The following USP32 variants were observed in gnomAD, a reference collection of about 807,000 sequenced individuals.
USP32 encodes ubiquitin specific peptidase 32, also known as ubiquitin carboxyl-terminal hydrolase 32.
In USP32, 59 loss-of-function variants were observed where a neutral mutation model predicts 204.8. That is an observed-to-expected ratio of 0.29 (90% CI 0.23 to 0.36). The LOEUF is 0.36. Among genes scored for constraint, USP32 ranks in the 10% least tolerant of loss-of-function variants. The probability of loss-of-function intolerance (pLI) is 1.00; values close to 1 mark genes in which losing one functional copy is unlikely to be tolerated. For synonymous variants in USP32, 517 were observed against 678.4 expected (o/e 0.76, Z 3.70); for missense variants, 1,160 against 1,946.4 (o/e 0.60, Z 7.60).
At chr17:60,244,160 C>G (rs1016939659) in intron 11 of USP32, among the ~76,000 whole-genome samples, 3 of 151,094 alleles carry the variant, frequency 2.0e-5, no homozygotes, top group Non-Finnish European at 4.4e-5. Flanking sequence ...CTCAGCCTCC[C>G]GAGTAGCTGG....
chr17:60,413,861 CAAAAAAAAAAAAAAGAAAAA>C lies in USP32; in HGVS notation c.106+8365_106+8384del, dbSNP rs1367850044. On this transcript the variant is annotated intron_variant, in intron 1 of 3. Coordinates refer to the USP32 transcript ENST00000588898. ...GCCTGGCGACAGCTAGATTCTGTCT[CAAAAAAAAAAAAAAGAAAAA>C]AAAAAAAAAAAAAAGAATGTTACCT... is the stretch of plus-strand genomic sequence containing the variant. 8.6e-3 allele frequency among the ~76,000 whole-genome samples: 273 copies of C among 31,716 alleles called. 2 individuals are homozygous for C. The highest frequency in any genetic ancestry group is 0.025 in the African/African-American group (210 of 8,516). 20.8% of individuals were successfully genotyped at this position (31,716 alleles called of 152,430 possible).
intron 12 of USP32, among the ~76,000 whole-genome samples, chr17:60,227,936 A>T (rs1160066659): frequency 3.9e-5 from 6 of 152,160 alleles, no homozygotes; most frequent in African/African-American, 1.4e-4. Flanking sequence ...ACCATAGTTT[A>T]AAAAAATGAT....
At chr17:60,196,270 C>A (rs1432168958) in intron 27 of USP32, among the ~76,000 whole-genome samples, 26 of 129,214 alleles carry the variant, frequency 2.0e-4, no homozygotes, top group African/African-American at 7.3e-4. Context: ...ATCCCCACGC[C>A]AAAAAAAGAA....
intron 3 of USP32, among the ~76,000 whole-genome samples, chr17:60,298,098 A>G (rs1360738486): frequency 1.3e-5 from 2 of 148,618 alleles, no homozygotes; most frequent in African/African-American, 5.2e-5. Context: ...CTCCACCCCA[A>G]AGTAAACATC....
upstream of USP32, among the ~76,000 whole-genome samples, chr17:60,394,239 G>C (rs148210645): frequency 4.6e-5 from 7 of 152,306 alleles, no homozygotes; most frequent in African/African-American, 1.7e-4. Context: ...TGCGAGTTCC[G>C]AGTTAGATTA....
At position 60,198,343 on chromosome 17, in the gene USP32, G is replaced by T; in HGVS notation, c.3351C>A (p.Asp1117Glu). Residue 1117 changes from aspartate (D) to glutamate (E), a missense_variant, in exon 27 of 34, where the codon GAC (aspartate) becomes GAA (glutamate). Transcript: ENST00000300896. ...VPCTVHTRKK[D>E]LYDAVWIQVS... is the part of the protein sequence containing the mutation. Reference sequence around the variant, plus strand: ...CTTGAATCCAAACCGCATCATATAGGTCTTTCTTCCGGGTATGCACAGTAC... The same window carrying T: ...CTTGAATCCAAACCGCATCATATAGTTCTTTCTTCCGGGTATGCACAGTAC... The T allele has an allele frequency of 6.2e-7, 1 of 1,614,144 alleles. No individual in the cohort carries two copies. Among genetic ancestry groups the T allele is most frequent in the Non-Finnish European group, 8.5e-7 (1 of 1,180,018 alleles).
In USP32 at chr17:60,307,814, T is replaced by A. The variant is rs143109655; in HGVS notation, c.187-6110A>T. On this transcript the variant is annotated intron_variant, in intron 2 of 33. Coordinates refer to ENST00000300896, the MANE Select transcript of USP32 (RefSeq NM_032582.4). ...GCCTGCCACGCCCCCAAGGTGTGCC[T>A]ATAAAAATCCCAAGACCCCAGCAAG... Among the ~76,000 whole-genome samples, 6 of 152,196 alleles carry A rather than the reference T, an allele frequency of 3.9e-5. No individual in the cohort carries two copies. The East Asian group carries it at 1.2e-3, about 30-fold the overall frequency.
intron 11 of USP32, among the ~76,000 whole-genome samples, chr17:60,246,788 T>C (rs1228335331): frequency 1.3e-5 from 2 of 152,206 alleles, no homozygotes; most frequent in African/African-American, 4.8e-5. Context: ...TTATGATTAG[T>C]GATGTTGAGC....
chr17:60,214,624 C>T lies in USP32; in HGVS notation c.2018G>A (p.Ser673Asn), dbSNP rs145100882. The T allele has an allele frequency of 2.9e-3, 4,691 of 1,612,996 alleles. 12 individuals carry two copies. The highest frequency in any genetic ancestry group is 3.6e-3 in the Admixed American group (216 of 59,952). The change falls in exon 17 of 34, where the codon AGT becomes AAT. Residue 673 changes from serine to asparagine, a missense_variant. Ser to Asn is a conservative substitution (Grantham distance 46). This residue lies in a region of USP32 where 132 missense variants were observed against 432.8 expected (regional missense o/e 0.30). Coordinates refer to ENST00000300896, the MANE Select transcript of USP32 (RefSeq NM_032582.4). ...TGACTCTGAGATGCCTCTTACCTCACTGTTGTATAGCCACAGGCGCATATC... is the reference window on the plus strand; with the variant it reads ...TGACTCTGAGATGCCTCTTACCTCATTGTTGTATAGCCACAGGCGCATATC... Reference protein sequence around the residue: ...EEDMRLWLYNSENYLTLLDDE... With the variant: ...EEDMRLWLYNNENYLTLLDDE...
intron 1 of USP32, among the ~76,000 whole-genome samples, chr17:60,410,953 C>T (rs2090013367): frequency 1.3e-5 from 2 of 151,702 alleles, no homozygotes; most frequent in South Asian, 4.2e-4. Context: ...GTGGCACGTG[C>T]CTGTAGTCCC....
chr17:60,225,923 C>A, intron 13 of USP32, 116 bp downstream of exon 13: 1 of 1,182,858 alleles, frequency 8.5e-7, no homozygotes, highest in Non-Finnish European at 1.1e-6. Context: ...CACTGCGCTC[C>A]AGCCTGGGCA....
At chr17:60,211,300 A>G in intron 20 of USP32, 76 bp downstream of exon 20, 3 of 1,544,402 alleles carry the variant, frequency 1.9e-6, no homozygotes, top group Non-Finnish European at 2.6e-6. Flanking sequence ...ACAGGGTGAA[A>G]AAAGAGGAAA....
chr17:60,239,707 A>T (rs2085826556), intron 11 of USP32, among the ~76,000 whole-genome samples: 1 of 152,000 alleles, frequency 6.6e-6, no homozygotes, highest in Admixed American at 6.6e-5. Context: ...TACATATATC[A>T]TTCTCTTGGT....
chr17:60,281,242 T>C (rs899141764), intron 5 of USP32, among the ~76,000 whole-genome samples: 19 of 152,116 alleles, frequency 1.2e-4, no homozygotes, highest in Admixed American at 9.8e-4. Flanking sequence ...ATATTCATTA[T>C]AAAACACATG....
At chr17:60,359,145 G>T (rs890372280) in intron 1 of USP32, among the ~76,000 whole-genome samples, 1 of 152,112 alleles carries the variant, frequency 6.6e-6, no homozygotes, top group Admixed American at 6.6e-5. Flanking sequence ...TTTTTTGGAA[G>T]CCTATTCTAA....
rs528658980 is a variant in USP32 at position 60,293,315 on chromosome 17, T to A, written c.411+1368A>T. 2.0e-5 allele frequency among the ~76,000 whole-genome samples: 3 copies of A among 152,220 alleles called. No homozygotes were observed. The East Asian group carries it at 5.8e-4, about 29-fold the overall frequency. On this transcript the variant is annotated intron_variant, in intron 4 of 33. Transcript: ENST00000300896. ...TATTAAAATGAAAAAATATCATACT[T>A]CCTGAAAAAGAAAAGAGTATTAATG...
intron 25 of USP32, among the ~76,000 whole-genome samples, 162 bp from the exon 26 acceptor site, chr17:60,205,820 T>C (rs973932725): frequency 2.0e-5 from 3 of 152,186 alleles, no homozygotes; most frequent in African/African-American, 7.2e-5. Flanking sequence ...ATTTTAATTT[T>C]CCAGTTTTAC....
chr17:60,381,188 C>T (rs1272647022), intron 1 of USP32, among the ~76,000 whole-genome samples: 1 of 152,100 alleles, frequency 6.6e-6, no homozygotes. Flanking sequence ...CCTGTAATCC[C>T]AGCACTTTGA....
chr17:60,369,628 C>T (rs2089398461), intron 1 of USP32, among the ~76,000 whole-genome samples: 1 of 152,022 alleles, frequency 6.6e-6, no homozygotes, highest in Non-Finnish European at 1.5e-5. Flanking sequence ...AATTTTAACT[C>T]ATACACATTA....
Sources: gnomAD v4.1 joint callset for allele counts (sites outside exome capture counted in the v4.1 genomes callset) on GRCh38, gnomAD v4.1.1 for gene constraint, gnomAD v4.1.1 regional missense constraint, MANE v1.5 for transcripts, NCBI Gene and HGNC (gene_info 2026-07-23, HGNC 2026-07-21) for gene names.